The following HDX variants were observed in gnomAD, a reference collection of about 807,000 sequenced individuals.
The protein encoded by HDX is chromosome X open reading frame 43.
Under a neutral mutation model 45.2 loss-of-function variants are expected in HDX, and 19 were observed. That is an observed-to-expected ratio of 0.42 (90% CI 0.29 to 0.62). The LOEUF is 0.62. HDX is among the 20% of genes least tolerant of loss of function. The probability of loss-of-function intolerance (pLI) is 0.20; values close to 1 mark genes in which losing one functional copy is unlikely to be tolerated. For synonymous variants in HDX, 188 were observed against 172.8 expected (o/e 1.09, Z -0.69); for missense variants, 532 against 493.9 (o/e 1.08, Z -0.73).
chrX:84,468,256 G>T (rs1261768835), intron 4 of HDX, among the ~76,000 whole-genome samples: 2 of 111,543 alleles, frequency 1.8e-5, no homozygotes, highest in Non-Finnish European at 3.8e-5. Context: ...AGACTGCCAT[G>T]TTATAAAAAT....
chrX:84,392,998 G>A (rs1322575350), intron 5 of HDX, among the ~76,000 whole-genome samples: 1 of 110,678 alleles, frequency 9.0e-6, no homozygotes. Flanking sequence ...TCTCTTGCCT[G>A]ATTGTTCTTG....
chrX:84,351,529 A>C (rs1481816668), intron 6 of HDX, among the ~76,000 whole-genome samples: 2 of 111,003 alleles, frequency 1.8e-5, no homozygotes, highest in African/African-American at 3.3e-5. Flanking sequence ...TCATTATCTA[A>C]ACATTTTCTG....
At chrX:84,447,715 T>A (rs376619781) in intron 4 of HDX, among the ~76,000 whole-genome samples, 2 of 111,630 alleles carry the variant, frequency 1.8e-5, no homozygotes, top group East Asian at 5.7e-4. Context: ...AGCCTAATTG[T>A]CATCATCCAC....
At chrX:84,396,261 A>T (rs1448125793) in intron 5 of HDX, among the ~76,000 whole-genome samples, 1 of 112,216 alleles carries the variant, frequency 8.9e-6, no homozygotes, top group African/African-American at 3.2e-5. Context: ...TGGGTAGGCC[A>T]CTTTGGTTTT....
intron 5 of HDX, among the ~76,000 whole-genome samples, chrX:84,362,616 G>C (rs910694907): frequency 3.6e-5 from 4 of 110,408 alleles, no homozygotes; most frequent in African/African-American, 1.3e-4. Context: ...GAGTGAATCT[G>C]GGACAACTGT....
At chrX:84,482,741 C>T (rs969116818) in intron 2 of HDX, among the ~76,000 whole-genome samples, 1 of 111,190 alleles carries the variant, frequency 9.0e-6, no homozygotes, top group Non-Finnish European at 1.9e-5. Context: ...TCATACCCTT[C>T]CAAAAATCCT....
At chrX:84,363,133 C>A (rs765434398) in intron 5 of HDX, among the ~76,000 whole-genome samples, 2 of 111,665 alleles carry the variant, frequency 1.8e-5, no homozygotes, top group South Asian at 7.4e-4. Context: ...AGTACTAATA[C>A]TAAATTACGT....
chrX:84,405,388 A>G (rs2038794677), intron 5 of HDX, among the ~76,000 whole-genome samples: 1 of 110,309 alleles, frequency 9.1e-6, no homozygotes, highest in Non-Finnish European at 1.9e-5. Context: ...CTATTTTAAA[A>G]GTCCACCCAA....
intron 5 of HDX, among the ~76,000 whole-genome samples, chrX:84,405,659 T>C (rs1276191789): frequency 2.2e-5 from 2 of 90,526 alleles, no homozygotes; most frequent in Non-Finnish European, 4.5e-5. Context: ...TATATATATA[T>C]ATATATGTGT....
chrX:84,488,187 C>T (rs1264440980), intron 1 of HDX, 55 bp from the exon 2 acceptor site: 6 of 111,014 alleles, frequency 5.4e-5, no homozygotes, highest in Non-Finnish European at 1.1e-4. Flanking sequence ...TGGTCAGAAT[C>T]GGAAGTCTAG....
intron 2 of HDX, among the ~76,000 whole-genome samples, chrX:84,485,158 C>T (rs2040765261): frequency 9.0e-6 from 1 of 110,707 alleles, no homozygotes; most frequent in South Asian, 3.8e-4. Context: ...GTTTTATGTC[C>T]CAGAAAATGA....
chrX:84,367,334 T>TA (rs1172488473), intron 5 of HDX, among the ~76,000 whole-genome samples: 3 of 112,148 alleles, frequency 2.7e-5, no homozygotes, highest in African/African-American at 9.7e-5. Context: ...TGGCAATCAT[T>TA]AAAAATTCAG....
At chrX:84,410,165 T>A (rs746327924) in intron 5 of HDX, among the ~76,000 whole-genome samples, 1 of 111,042 alleles carries the variant, frequency 9.0e-6, no homozygotes, top group Admixed American at 9.6e-5. Flanking sequence ...TTTGCCTGAT[T>A]TCTCTGGCTA....
At position 84,361,540 on chromosome X, in the gene HDX, T is replaced by C; in HGVS notation, c.1378A>G (p.Ser460Gly). The change falls in exon 6 of 11, where the codon AGC (serine) becomes GGC (glycine). Residue 460 changes from serine (S) to glycine (G), a missense_variant. Physicochemically the swap from Ser to Gly is moderately conservative, Grantham distance 56. Transcript: ENST00000373177. The part of the protein sequence containing the change: ...LKKYWDNGMT[S>G]LGSVCREKIE... The stretch of plus-strand genomic sequence containing the variant: ...TTCTCTCTACAAACAGAGCCCAGGC[T>C]GGTCATGCCATTGTCCCAATACTTC... 2 of 1,205,034 alleles carry C rather than the reference T, an allele frequency of 1.7e-6. No homozygotes were observed. The highest frequency in any genetic ancestry group is 2.2e-6 in the Non-Finnish European group (2 of 889,760).
chrX:84,384,340 C>T (rs181780029), intron 5 of HDX, among the ~76,000 whole-genome samples: 105 of 109,218 alleles, frequency 9.6e-4, no homozygotes, highest in African/African-American at 3.3e-3. Context: ...TGCTTATATG[C>T]CTCCTTTTCG....
chrX:84,386,067 A>C lies in HDX; in HGVS notation c.1306-24455T>G, dbSNP rs756417902. Among the ~76,000 whole-genome samples, 8 of 110,393 alleles carry C rather than the reference A, an allele frequency of 7.2e-5. No individual in the cohort carries two copies. In the South Asian group the frequency reaches 3.1e-3, roughly 43 times the overall value. ...TTGTTGAAGGTTTTTATCATGAAGA[A>C]TGTTAGATTTTATGGAAAACTTTTT... is the stretch of plus-strand genomic sequence containing the variant. On this transcript the variant is annotated intron_variant, in intron 5 of 10. Transcript: ENST00000373177.
At chrX:84,418,768 G>A (rs986427844) in intron 5 of HDX, among the ~76,000 whole-genome samples, 15 of 111,247 alleles carry the variant, frequency 1.3e-4, no homozygotes, top group African/African-American at 4.3e-4. Context: ...GGGGTGTGGG[G>A]GGGAAGGCAC....
intron 4 of HDX, among the ~76,000 whole-genome samples, chrX:84,459,170 T>C (rs11092243): frequency 0.5 from 55,401 of 110,228 alleles, 11,229 homozygotes; most frequent in African/African-American, 0.79. Flanking sequence ...AGGCTGGGCG[T>C]GGTGGCTCAT....
intron 5 of HDX, among the ~76,000 whole-genome samples, chrX:84,411,227 C>T (rs1169978969): frequency 1.8e-5 from 2 of 111,290 alleles, no homozygotes; most frequent in African/African-American, 6.5e-5. Flanking sequence ...GCTCTTGTTT[C>T]TCTAGCTCTT....
Sources: allele counts gnomAD v4.1 joint callset (sites outside exome capture counted in the v4.1 genomes callset), GRCh38; gene constraint gnomAD v4.1.1; transcripts MANE v1.5; gene names NCBI Gene and HGNC (gene_info 2026-07-23, HGNC 2026-07-21).